The following GALNT14 variants were observed in gnomAD, a reference collection of about 807,000 sequenced individuals.
The protein encoded by GALNT14 is polypeptide N-acetylgalactosaminyltransferase 14.
In GALNT14, 60 loss-of-function variants were observed where a neutral mutation model predicts 77.5. That is an observed-to-expected ratio of 0.77 (90% CI 0.63 to 0.96). GALNT14 has a LOEUF of 0.96. Among genes scored for constraint, GALNT14 ranks in the 40% least tolerant of loss-of-function variants. The pLI is 0.00. For synonymous variants in GALNT14, 280 were observed against 281.7 expected (o/e 0.99, Z 0.06); for missense variants, 710 against 731.0 (o/e 0.97, Z 0.33).
At chr2:31,010,089 G>A (rs1015102758) in intron 1 of GALNT14, among the ~76,000 whole-genome samples, 7 of 152,178 alleles carry the variant, frequency 4.6e-5, no homozygotes, top group East Asian at 1.9e-4. Context: ...GAGTTCAAGC[G>A]GTTCTCATGC....
chr2:30,983,274 G>A lies in GALNT14; in HGVS notation c.299+9564C>T, dbSNP rs148390223. Among the ~76,000 whole-genome samples the A allele has an allele frequency of 6.2e-3, 950 of 152,144 alleles. 9 individuals carry two copies. Among genetic ancestry groups the A allele is most frequent in the African/African-American group, 0.022 (906 of 41,482 alleles). On this transcript the variant is annotated intron_variant, in intron 2 of 14. Transcript: ENST00000349752. ...TCCACCTGAGGGATTTATTCACTGGGGGCATTCAAGTTCCATGAGGGCACA... is the reference window on the plus strand; with the variant it reads ...TCCACCTGAGGGATTTATTCACTGGAGGCATTCAAGTTCCATGAGGGCACA...
chr2:31,125,332 T>C (rs545065583), intron 1 of GALNT14: 3 of 1,042,100 alleles, frequency 2.9e-6, no homozygotes, highest in South Asian at 1.4e-5. Flanking sequence ...ACAGAGATCT[T>C]ACCCCTCACA....
chr2:31,120,596 G>A (rs1039566663), intron 1 of GALNT14, among the ~76,000 whole-genome samples: 9 of 151,730 alleles, frequency 5.9e-5, no homozygotes, highest in South Asian at 2.1e-4. Context: ...TCACTCTGTC[G>A]CCCAGGCTGG....
intron 1 of GALNT14, among the ~76,000 whole-genome samples, chr2:31,120,565 AT>A (rs900216885): frequency 4.0e-5 from 6 of 149,392 alleles, no homozygotes; most frequent in South Asian, 2.1e-4. Context: ...CCATGAACAC[AT>A]TTTTTTTTTA....
chr2:31,058,693 C>T (rs1233549674), intron 1 of GALNT14, among the ~76,000 whole-genome samples: 1 of 152,150 alleles, frequency 6.6e-6, no homozygotes, highest in East Asian at 1.9e-4. Context: ...GCCAAGAATC[C>T]CCACATCTGG....
Position 30,931,115 on chromosome 2 carries a change from G to A in GALNT14, c.1058+953C>T, listed in dbSNP as rs556133592. On this transcript the variant is annotated intron_variant, in intron 10 of 14. Coordinates refer to ENST00000349752, the MANE Select transcript of GALNT14 (RefSeq NM_024572.4). ...TTTGCTCCCCACTGCTTCCTGGCCT[G>A]CTGATTTTCTTATCACCCTACCCTT... Among the ~76,000 whole-genome samples, 540 of 152,330 alleles carry A rather than the reference G, an allele frequency of 3.5e-3. 5 individuals carry two copies. The highest frequency in any genetic ancestry group is 3.4e-3 in the Non-Finnish European group (230 of 68,032).
chr2:31,030,856 C>A (rs1672362397), intron 1 of GALNT14, among the ~76,000 whole-genome samples: 1 of 152,216 alleles, frequency 6.6e-6, no homozygotes, highest in Non-Finnish European at 1.5e-5. Flanking sequence ...TAGATTTAGA[C>A]ATGGTTTAAG....
At position 30,997,588 on chromosome 2, in the gene GALNT14, G is replaced by T. The variant is rs1267778758; in HGVS notation, c.130-4581C>A. On this transcript the variant is annotated intron_variant, in intron 1 of 14. Coordinates refer to ENST00000349752, the MANE Select transcript of GALNT14 (RefSeq NM_024572.4). ...ATCAGCACCCATGGCCCCCAAGCAA[G>T]CCCCCGCTTCACTTTCTGACTAGAA... 2.0e-5 allele frequency among the ~76,000 whole-genome samples: 3 copies of T among 152,200 alleles called. No individual in the cohort carries two copies. In the East Asian group the frequency reaches 5.8e-4, roughly 29 times the overall value.
chr2:31,040,564 G>A (rs1573222416), intron 1 of GALNT14, among the ~76,000 whole-genome samples: 1 of 152,294 alleles, frequency 6.6e-6, no homozygotes, highest in African/African-American at 2.4e-5. Context: ...CCCAGCCTGA[G>A]TTCTCAAGCT....
intron 10 of GALNT14, among the ~76,000 whole-genome samples, chr2:30,931,776 C>T (rs996971420): frequency 6.6e-6 from 1 of 152,108 alleles, no homozygotes; most frequent in South Asian, 2.1e-4. Flanking sequence ...ATATCTGGAG[C>T]CCATGCCCTG....
rs1679324007 is a variant in GALNT14, at chr2:31,138,352, C to T, written c.-266G>A. ...TGGACGCCCGCTCCAGCGGGAGAAGCGCGGTGGCTGCCGAGATGTTCCCCA... is the reference window on the plus strand; with the variant it reads ...TGGACGCCCGCTCCAGCGGGAGAAGTGCGGTGGCTGCCGAGATGTTCCCCA... On this transcript the variant is annotated 5_prime_UTR_variant, in exon 1 of 15. Transcript: ENST00000349752. 1.1e-5 allele frequency: 5 copies of T among 453,580 alleles called. No homozygotes were observed. Among genetic ancestry groups the T allele is most frequent in the Admixed American group, 8.5e-5 (2 of 23,514 alleles). 28.1% of individuals were successfully genotyped at this position (453,580 alleles called of 1,614,324 possible).
At chr2:31,087,249 C>A (rs1350630747) in intron 1 of GALNT14, among the ~76,000 whole-genome samples, 2 of 151,938 alleles carry the variant, frequency 1.3e-5, no homozygotes, top group East Asian at 1.9e-4. Flanking sequence ...ACATAGGGGG[C>A]AAATTATAGA....
At chr2:31,061,131 C>G (rs377604679) in intron 1 of GALNT14, among the ~76,000 whole-genome samples, 1 of 152,132 alleles carries the variant, frequency 6.6e-6, no homozygotes, top group African/African-American at 2.4e-5. Flanking sequence ...GAGCTCAACC[C>G]CTTACCAGAC....
intron 2 of GALNT14, among the ~76,000 whole-genome samples, chr2:30,988,035 C>G (rs1039652591): frequency 1.3e-5 from 2 of 152,182 alleles, no homozygotes. Context: ...TCTCCTGATT[C>G]CTTCTACAAG....
intron 13 of GALNT14, among the ~76,000 whole-genome samples, chr2:30,912,690 G>T (rs1158395401): frequency 1.3e-5 from 2 of 152,094 alleles, no homozygotes; most frequent in Admixed American, 6.5e-5. Context: ...CATCTCGAGG[G>T]GGTCTGTTCC....
At chr2:31,127,374 C>G (rs1558586584) in intron 1 of GALNT14, among the ~76,000 whole-genome samples, 1 of 152,104 alleles carries the variant, frequency 6.6e-6, no homozygotes, top group Non-Finnish European at 1.5e-5. Context: ...CAAAATAATA[C>G]CAAAAGAAGA....
chr2:31,033,467 T>C (rs567861280), intron 1 of GALNT14, among the ~76,000 whole-genome samples: 1 of 152,294 alleles, frequency 6.6e-6, no homozygotes, highest in Admixed American at 6.5e-5. Context: ...CTACCTTTCC[T>C]TCCTCGTGAT....
chr2:30,910,066 G>T (rs1298319549), downstream of GALNT14, among the ~76,000 whole-genome samples: 7 of 118,476 alleles, frequency 5.9e-5, no homozygotes, highest in East Asian at 5.6e-4. Context: ...GTTGAGGGGT[G>T]GGGGGAGGGG....
chr2:30,917,740 A>G (rs963513237), intron 13 of GALNT14, among the ~76,000 whole-genome samples: 1 of 152,236 alleles, frequency 6.6e-6, no homozygotes, highest in Non-Finnish European at 1.5e-5. Context: ...AAAGGGGCCA[A>G]TGGTTACTCT....
Sources: gnomAD v4.1 joint callset for allele counts (sites outside exome capture counted in the v4.1 genomes callset) on GRCh38, gnomAD v4.1.1 for gene constraint, MANE v1.5 for transcripts, NCBI Gene and HGNC (gene_info 2026-07-23, HGNC 2026-07-21) for gene names.